SPATA13: variants seen among roughly 807,000 people sequenced by gnomAD.
SPATA13 encodes the protein spermatogenesis associated 13.
SPATA13 carries 50 observed loss-of-function variants against 104.0 expected under a neutral mutation model. The observed-to-expected ratio is 0.48, with a 90% CI of 0.38 to 0.61. The LOEUF (loss-of-function observed/expected upper bound fraction) is 0.61. Ranked by LOEUF, SPATA13 falls within the 20% of genes least tolerant of loss-of-function variation. The pLI is 0.00. For synonymous variants in SPATA13, 606 were observed against 667.5 expected (o/e 0.91, Z 1.42); for missense variants, 1,524 against 1,690.6 (o/e 0.90, Z 1.73).
chr13:23,991,648 G>C (rs940301711), intron 2 of SPATA13, among the ~76,000 whole-genome samples: 2 of 152,082 alleles, frequency 1.3e-5, no homozygotes, highest in South Asian at 2.1e-4. Context: ...GTCCAGCACC[G>C]TGCATATTGT....
At chr13:24,035,939 C>G (rs1051156756) in intron 3 of SPATA13, among the ~76,000 whole-genome samples, 1 of 150,540 alleles carries the variant, frequency 6.6e-6, no homozygotes, top group South Asian at 2.1e-4. Context: ...CGCTTGAGCC[C>G]GGAGGTTGAG....
In SPATA13 at chr13:24,223,926, AG is replaced by A; in HGVS notation, c.999del (p.Arg334GlyfsTer16). ...GAGCAATGTGACTGAGGCTGCCTGG[AG>A]GAGGGAGAGTCCTAGGAGTGGGGCC... The part of the protein sequence containing the change: ...LVSNVTEAAW[R>X]RESPRSGAPS... On this transcript the variant is annotated frameshift_variant, in exon 2 of 13. Coordinates refer to ENST00000382108, the MANE Select transcript of SPATA13 (RefSeq NM_001166271.3). LOFTEE classifies it high-confidence loss of function. 6.4e-7 allele frequency: 1 copy of A among 1,551,478 alleles called. No individual in the cohort carries two copies. The highest frequency in any genetic ancestry group is 8.7e-7 in the Non-Finnish European group (1 of 1,146,904).
intron 1 of SPATA13, among the ~76,000 whole-genome samples, chr13:24,202,880 A>C (rs1870499461): frequency 6.6e-6 from 1 of 152,174 alleles, no homozygotes; most frequent in Non-Finnish European, 1.5e-5. Context: ...TTACTTGCCC[A>C]ATTTAGGAGT....
chr13:24,067,647 G>A (rs1414729622), intron 3 of SPATA13, among the ~76,000 whole-genome samples: 1 of 152,152 alleles, frequency 6.6e-6, no homozygotes, highest in Non-Finnish European at 1.5e-5. Flanking sequence ...GTCACCTCAG[G>A]AACAGAATCT....
chr13:24,173,580 G>C (rs970066635), intron 1 of SPATA13, among the ~76,000 whole-genome samples: 9 of 148,828 alleles, frequency 6.0e-5, no homozygotes, highest in African/African-American at 2.2e-4. Context: ...CATAATGTTA[G>C]CTTTAGGGTT....
intron 3 of SPATA13, among the ~76,000 whole-genome samples, chr13:24,055,692 C>G (rs1210898882): frequency 2.0e-5 from 3 of 152,200 alleles, no homozygotes; most frequent in African/African-American, 7.2e-5. Flanking sequence ...GTGCCTTTGG[C>G]TAAGCCACCC....
chr13:24,049,168 T>C (rs748814832), intron 3 of SPATA13, among the ~76,000 whole-genome samples: 6 of 152,186 alleles, frequency 3.9e-5, no homozygotes, highest in Admixed American at 6.5e-5. Flanking sequence ...TGCTGTAAAA[T>C]ATGAACAACA....
chr13:24,145,076 T>C (rs1334078186), intron 3 of SPATA13, among the ~76,000 whole-genome samples: 1 of 152,152 alleles, frequency 6.6e-6, no homozygotes, highest in African/African-American at 2.4e-5. Flanking sequence ...ATTTCTGAAG[T>C]GGGCAAGTCA....
At chr13:24,055,304 C>A (rs756887552) in intron 3 of SPATA13, among the ~76,000 whole-genome samples, 29 of 152,188 alleles carry the variant, frequency 1.9e-4, no homozygotes, top group Non-Finnish European at 3.8e-4. Context: ...CCTTTCATTG[C>A]GGGTACAGTG....
intron 2 of SPATA13, among the ~76,000 whole-genome samples, chr13:24,227,928 A>G (rs1317279647): frequency 6.6e-6 from 1 of 151,614 alleles, no homozygotes; most frequent in African/African-American, 2.4e-5. Flanking sequence ...CTTGAGATGG[A>G]ATTTCACTCA....
chr13:24,273,009 A>C (rs907042718), intron 4 of SPATA13: 7 of 152,762 alleles, frequency 4.6e-5, no homozygotes, highest in Admixed American at 2.6e-4. Context: ...AGAGCAGAGG[A>C]GAGGGCCCAG....
intron 3 of SPATA13, among the ~76,000 whole-genome samples, chr13:24,041,618 T>C (rs1877932871): frequency 6.7e-6 from 1 of 149,394 alleles, no homozygotes; most frequent in South Asian, 2.1e-4. Context: ...GGAAATGTTT[T>C]CTTTTCATTC....
chr13:24,238,978 G>C (rs968096789), intron 2 of SPATA13, among the ~76,000 whole-genome samples: 3 of 152,172 alleles, frequency 2.0e-5, no homozygotes, highest in African/African-American at 7.2e-5. Flanking sequence ...TGTGGCCCGA[G>C]TGTCTGTGGT....
chr13:24,036,995 C>T (rs2137723083), intron 3 of SPATA13, among the ~76,000 whole-genome samples: 1 of 151,922 alleles, frequency 6.6e-6, no homozygotes, highest in Non-Finnish European at 1.5e-5. Flanking sequence ...AGGATGGTCT[C>T]AATCTTTTGA....
chr13:24,172,580 C>G (rs1408974297), intron 1 of SPATA13, among the ~76,000 whole-genome samples: 2 of 152,198 alleles, frequency 1.3e-5, no homozygotes, highest in East Asian at 3.8e-4. Flanking sequence ...CTGTAGATGT[C>G]TAATTGCTCT....
At chr13:24,276,450 T>C (rs1874987808) in intron 4 of SPATA13, among the ~76,000 whole-genome samples, 1 of 152,178 alleles carries the variant, frequency 6.6e-6, no homozygotes, top group Non-Finnish European at 1.5e-5. Context: ...GTATCTAAAG[T>C]AGTCAACATC....
At chr13:24,129,487 G>C (rs1209249703) in intron 3 of SPATA13, among the ~76,000 whole-genome samples, 1 of 152,194 alleles carries the variant, frequency 6.6e-6, no homozygotes, top group Non-Finnish European at 1.5e-5. Context: ...TTAGAGGAGG[G>C]GAGAGGGTGA....
At chr13:24,043,891 G>A (rs1878027754) in intron 3 of SPATA13, among the ~76,000 whole-genome samples, 1 of 152,206 alleles carries the variant, frequency 6.6e-6, no homozygotes, top group Admixed American at 6.5e-5. Context: ...ACTGCCAGGG[G>A]AGGGGTAGGT....
chr13:24,167,435 C>T (rs933029846), intron 1 of SPATA13, among the ~76,000 whole-genome samples: 1 of 152,208 alleles, frequency 6.6e-6, no homozygotes, highest in African/African-American at 2.4e-5. Flanking sequence ...GGCAAAGATA[C>T]AGAAGATGAT....
Sources: allele counts gnomAD v4.1 joint callset (sites outside exome capture counted in the v4.1 genomes callset), GRCh38; gene constraint gnomAD v4.1.1; transcripts MANE v1.5; gene names NCBI Gene and HGNC (gene_info 2026-07-23, HGNC 2026-07-21).